DGKE: variants seen among roughly 807,000 people sequenced by gnomAD.
DGKE encodes the protein diacylglycerol kinase epsilon, also known as DAG kinase epsilon.
Under a neutral mutation model 70.0 loss-of-function variants are expected in DGKE, and 53 were observed. The observed-to-expected ratio is 0.76, with a 90% confidence interval of 0.61 to 0.95. The LOEUF is 0.95. Ranked by LOEUF, DGKE falls within the 40% of genes least tolerant of loss-of-function variation. DGKE has a pLI of 0.00. For missense variants in DGKE, 655 were observed against 706.9 expected (o/e 0.93, Z 0.83); for synonymous variants, 291 against 257.0 (o/e 1.13, Z -1.27).
At position 56,834,978 on chromosome 17, in the gene DGKE, G is replaced by A. The variant is rs1048159; in HGVS notation, c.183G>A (p.Gly61=). 0.14 allele frequency: 223,765 copies of A among 1,612,712 alleles called. 16,223 individuals carry two copies. Among genetic ancestry groups the A allele is most frequent in the South Asian group, 0.16 (14,175 of 91,082 alleles). ...ACATCTTCCGCAAGAGCAAGCACGGGTGGCGCGACACGGACCTGTTCAGCC... is the reference window on the plus strand; with the variant it reads ...ACATCTTCCGCAAGAGCAAGCACGGATGGCGCGACACGGACCTGTTCAGCC... The part of the protein sequence containing the change: ...RRDIFRKSKH[G]WRDTDLFSQP... Residue 61 remains glycine, a synonymous_variant, in exon 2 of 12, where the codon GGG becomes GGA. Transcript: ENST00000284061.
At chr17:56,856,366 TG>T in intron 7 of DGKE, 145 bp from the exon 8 acceptor site, 1 of 836,282 alleles carries the variant, frequency 1.2e-6, no homozygotes, top group Non-Finnish European at 1.8e-6. Flanking sequence ...GTAACTTCAC[TG>T]GACAGTATAA....
At chr17:56,858,084 A>AAAG (rs1555601106) in intron 8 of DGKE, among the ~76,000 whole-genome samples, 29 of 151,056 alleles carry the variant, frequency 1.9e-4, no homozygotes, top group African/African-American at 6.8e-4. Flanking sequence ...AAAAAAAAAA[A>AAAG]AAAAAGAAAA....
In DGKE at chr17:56,869,549, A is replaced by C. The variant is rs1908666542; in HGVS notation, c.*6758A>C. On this transcript the variant is annotated 3_prime_UTR_variant, in exon 12 of 12. Transcript: ENST00000284061. ...AATCCATTTTTATAAAATTTTTGTA[A>C]TAAAAATTCACTTGATCACTTGCCT... is the stretch of plus-strand genomic sequence containing the variant. 1 of 135,220 alleles carries C rather than the reference A, an allele frequency of 7.4e-6. No homozygotes were observed. Among genetic ancestry groups the C allele is most frequent in the African/African-American group, 3.9e-5 (1 of 25,430 alleles). 8.4% of individuals were successfully genotyped at this position (135,220 alleles called of 1,614,324 possible).
At chr17:56,849,975 G>A (rs1235730245) in intron 7 of DGKE, among the ~76,000 whole-genome samples, 2 of 152,126 alleles carry the variant, frequency 1.3e-5, no homozygotes, top group African/African-American at 4.8e-5. Flanking sequence ...GGGGCAGGGG[G>A]AGTAGCCCAA....
At chr17:56,856,923 A>C (rs1598043956) in intron 8 of DGKE, among the ~76,000 whole-genome samples, 1 of 152,026 alleles carries the variant, frequency 6.6e-6, no homozygotes. Flanking sequence ...ACATGGTGAA[A>C]CCCTGTCTCT....
chr17:56,841,914 G>A (rs553285902), intron 2 of DGKE, among the ~76,000 whole-genome samples: 1 of 152,030 alleles, frequency 6.6e-6, no homozygotes, highest in Non-Finnish European at 1.5e-5. Context: ...TCCCACCTCA[G>A]CCTCACTAGA....
At chr17:56,844,311 C>A in intron 3 of DGKE, 133 bp downstream of exon 3, 2 of 574,310 alleles carry the variant, frequency 3.5e-6, no homozygotes, top group Non-Finnish European at 5.3e-6. Context: ...AGATCAAGAC[C>A]AAGGAGAGAA....
Position 56,848,750 on chromosome 17 carries a change from G to A in DGKE, c.943G>A (p.Asp315Asn). 3 of 1,614,132 alleles carry A rather than the reference G, an allele frequency of 1.9e-6. No homozygotes were observed. Among genetic ancestry groups the A allele is most frequent in the Non-Finnish European group, 1.7e-6 (2 of 1,180,014 alleles). ...AGTTTTGCCTCTGGGAACAGGCAAC[G>A]ATCTATCCAATACATTGGGTTGGGG... ...VAVLPLGTGN[D>N]LSNTLGWGTG... The change falls in exon 6 of 12, where the codon GAT (aspartate) becomes AAT (asparagine). Residue 315 changes from aspartate (D) to asparagine (N), a missense_variant. Coordinates refer to ENST00000284061, the MANE Select transcript of DGKE (RefSeq NM_003647.3).
In DGKE at chr17:56,863,736, G is replaced by A. The variant is rs1190460104; in HGVS notation, c.*945G>A. The A allele has an allele frequency of 2.6e-5, 4 of 152,096 alleles. No homozygotes were observed. Among genetic ancestry groups the A allele is most frequent in the African/African-American group, 9.7e-5 (4 of 41,404 alleles). The allele number at this position is 152,096 out of a possible 1,614,324, so 9.4% of individuals were successfully genotyped here. ...GTCTTTTAACAGAATTTCCCCTTAG[G>A]GAGGTAAGTGGACAGAAATCTTTGC... On this transcript the variant is annotated 3_prime_UTR_variant, in exon 12 of 12. Coordinates refer to ENST00000284061, the MANE Select transcript of DGKE (RefSeq NM_003647.3).
In DGKE at chr17:56,868,956, A is replaced by C. The variant is rs569253680; in HGVS notation, c.*6165A>C. The C allele has an allele frequency of 1.3e-5, 2 of 152,324 alleles. No individual in the cohort carries two copies. The highest frequency in any genetic ancestry group is 6.5e-5 in the Admixed American group (1 of 15,306). 9.4% of individuals were successfully genotyped at this position (152,324 alleles called of 1,614,324 possible). A position where few individuals can be genotyped will look rare whatever the true frequency, so the allele number is the denominator to read the frequency against. On this transcript the variant is annotated 3_prime_UTR_variant, in exon 12 of 12. Coordinates refer to ENST00000284061, the MANE Select transcript of DGKE (RefSeq NM_003647.3). ...AGTAAGTGGGATCAAAGGTGAATTCACCTTATTTTCAGTTGGTAGAGTATG... is the reference window on the plus strand; with the variant it reads ...AGTAAGTGGGATCAAAGGTGAATTCCCCTTATTTTCAGTTGGTAGAGTATG...
chr17:56,849,596 A>G (rs1413803188), intron 7 of DGKE, among the ~76,000 whole-genome samples: 1 of 152,222 alleles, frequency 6.6e-6, no homozygotes, highest in Non-Finnish European at 1.5e-5. Flanking sequence ...TACTCTGGAG[A>G]TAATGTGAAA....
chr17:56,848,650 C>T lies in DGKE; in HGVS notation c.889-46C>T, dbSNP rs758378878. On this transcript the variant is annotated intron_variant, in intron 5 of 11. Coordinates refer to ENST00000284061, the MANE Select transcript of DGKE (RefSeq NM_003647.3). The stretch of plus-strand genomic sequence containing the variant: ...AATTTTACAAAATATTATTACCCAG[C>T]AAATAGTCTGAGAGAAAAATCTAAA... The T allele has an allele frequency of 6.9e-6, 11 of 1,588,288 alleles. No individual in the cohort carries two copies. In the South Asian group the frequency reaches 7.8e-5, roughly 11 times the overall value.
intron 9 of DGKE, among the ~76,000 whole-genome samples, chr17:56,860,548 T>G (rs752827571): frequency 6.6e-6 from 1 of 152,176 alleles, no homozygotes; most frequent in Non-Finnish European, 1.5e-5. Context: ...ACCAAAAAGA[T>G]ATTTAAATCA....
chr17:56,869,227 A>G lies in DGKE; in HGVS notation c.*6436A>G, dbSNP rs995837893. On this transcript the variant is annotated 3_prime_UTR_variant, in exon 12 of 12. Transcript: ENST00000284061. ...CCTAGTGTAAACAATTTATTTTTCT[A>G]GAAAAGACAGAAGTTTAGAGTATAT... The G allele has an allele frequency of 6.6e-6, 1 of 152,248 alleles. No individual in the cohort carries two copies. Among genetic ancestry groups the G allele is most frequent in the Non-Finnish European group, 1.5e-5 (1 of 68,040 alleles). 9.4% of individuals were successfully genotyped at this position (152,248 alleles called of 1,614,324 possible).
At position 56,866,324 on chromosome 17, in the gene DGKE, T is replaced by TG; in HGVS notation, c.*3534dup. On this transcript the variant is annotated 3_prime_UTR_variant, in exon 12 of 12. Coordinates refer to ENST00000284061, the MANE Select transcript of DGKE (RefSeq NM_003647.3). Reference sequence around the variant, plus strand: ...CTTAATGATTCCCTGTCTCTGGAGATGCAACATAGAAATCTCTGTTTTTAT... The same window carrying TG: ...CTTAATGATTCCCTGTCTCTGGAGATGGCAACATAGAAATCTCTGTTTTTAT... 1 of 152,224 alleles carries TG rather than the reference T, an allele frequency of 6.6e-6. No homozygotes were observed. The highest frequency in any genetic ancestry group is 3.2e-3 in the Middle Eastern group (1 of 316). The allele number at this position is 152,224 out of a possible 1,614,324, so 9.4% of individuals were successfully genotyped here.
chr17:56,845,619 C>T (rs184401792), intron 3 of DGKE, 71 bp from the exon 4 acceptor site: 1 of 1,481,270 alleles, frequency 6.8e-7, no homozygotes, highest in African/African-American at 1.4e-5. Context: ...CACCATTGTT[C>T]TCAAGGCATG....
chr17:56,834,961 C>T lies in DGKE; in HGVS notation c.166C>T (p.Arg56Cys), dbSNP rs373991932. Residue 56 changes from arginine (R) to cysteine (C), a missense_variant, in exon 2 of 12, where the codon CGC becomes TGC. By Grantham distance (180) the Arg-to-Cys change is radical. Transcript: ENST00000284061. ...RRQLHRRDIF[R>C]KSKHGWRDTD... ...GCAGCTGCACCGCAGGGACATCTTC[C>T]GCAAGAGCAAGCACGGGTGGCGCGA... The T allele has an allele frequency of 3.4e-5, 55 of 1,613,090 alleles. No individual in the cohort carries two copies. Among genetic ancestry groups the T allele is most frequent in the Non-Finnish European group, 4.4e-5 (52 of 1,179,984 alleles).
At chr17:56,835,320 A>G in intron 2 of DGKE, 61 bp downstream of exon 2, 1 of 1,504,070 alleles carries the variant, frequency 6.6e-7, no homozygotes, top group Non-Finnish European at 9.0e-7. Context: ...GATTTCATAG[A>G]GTGGTGTAGA....
intron 7 of DGKE, among the ~76,000 whole-genome samples, chr17:56,853,251 A>T (rs1907756473): frequency 6.6e-6 from 1 of 151,974 alleles, no homozygotes; most frequent in Non-Finnish European, 1.5e-5. Context: ...TTGCCTCTTC[A>T]CTCTATTGTT....
Sources: gnomAD v4.1 joint callset for allele counts (sites outside exome capture counted in the v4.1 genomes callset) on GRCh38, gnomAD v4.1.1 for gene constraint, MANE v1.5 for transcripts, NCBI Gene and HGNC (gene_info 2026-07-23, HGNC 2026-07-21) for gene names.